GRAMD2B: variants seen among roughly 807,000 people sequenced by gnomAD.
GRAMD2B encodes GRAM domain containing 2B, also known as GRAM domain-containing protein 2B.
Under a neutral mutation model 59.2 loss-of-function variants are expected in GRAMD2B, and 41 were observed. That is an observed-to-expected ratio of 0.69 (90% CI 0.54 to 0.90). The LOEUF is 0.90. Among genes scored for constraint, GRAMD2B ranks in the 40% least tolerant of loss-of-function variants. The probability of loss-of-function intolerance (pLI) is 0.00; values close to 1 mark genes in which losing one functional copy is unlikely to be tolerated. For synonymous variants in GRAMD2B, 161 were observed against 182.7 expected (o/e 0.88, Z 0.96); for missense variants, 424 against 500.5 (o/e 0.85, Z 1.46).
At chr5:126,452,994 A>T (rs1765634681) in intron 1 of GRAMD2B, among the ~76,000 whole-genome samples, 2 of 152,182 alleles carry the variant, frequency 1.3e-5, no homozygotes, top group African/African-American at 4.8e-5. Flanking sequence ...AAAAACCTTA[A>T]TCAAATAGAT....
intron 1 of GRAMD2B, among the ~76,000 whole-genome samples, chr5:126,394,869 T>C (rs1184192203): frequency 6.6e-6 from 1 of 152,200 alleles, no homozygotes; most frequent in African/African-American, 2.4e-5. Flanking sequence ...TTTTTTTCTG[T>C]CCAAGAGTGA....
chr5:126,430,389 AC>A (rs1761369387), intron 1 of GRAMD2B, among the ~76,000 whole-genome samples: 1 of 152,194 alleles, frequency 6.6e-6, no homozygotes, highest in Non-Finnish European at 1.5e-5. Context: ...CATAAAATTT[AC>A]CCATTTCCAG....
At chr5:126,489,185 T>A (rs1773498310) in intron 13 of GRAMD2B, among the ~76,000 whole-genome samples, 2 of 152,172 alleles carry the variant, frequency 1.3e-5, no homozygotes, top group African/African-American at 4.8e-5. Context: ...AAGTGACTAC[T>A]GACATCGGAG....
At chr5:126,439,653 A>C (rs1334445592) in intron 1 of GRAMD2B, among the ~76,000 whole-genome samples, 1 of 152,160 alleles carries the variant, frequency 6.6e-6, no homozygotes, top group Non-Finnish European at 1.5e-5. Flanking sequence ...CAAGGGAACA[A>C]ACACAAAAGC....
chr5:126,413,002 T>G (rs553766649), intron 1 of GRAMD2B, among the ~76,000 whole-genome samples: 2 of 152,248 alleles, frequency 1.3e-5, no homozygotes, highest in African/African-American at 2.4e-5. Flanking sequence ...CTCTCTTTTT[T>G]CTTTATTAAT....
At chr5:126,383,400 T>C (rs72782469) in intron 1 of GRAMD2B, among the ~76,000 whole-genome samples, 1,759 of 152,304 alleles carry the variant, frequency 0.012, 18 homozygotes, top group South Asian at 0.018. Flanking sequence ...ATGGGGCAAA[T>C]TGGGAAGCCC....
At chr5:126,466,429 C>CT in intron 2 of GRAMD2B, 1 of 699,638 alleles carries the variant, frequency 1.4e-6, no homozygotes, top group Non-Finnish European at 2.6e-6. Context: ...TGGCATCTCA[C>CT]CTTTTTTTTT....
At chr5:126,484,584 C>CA (rs1772530907) in intron 10 of GRAMD2B, 60 bp downstream of exon 10, 1 of 1,267,846 alleles carries the variant, frequency 7.9e-7, no homozygotes. Flanking sequence ...CTGTTTGTAA[C>CA]TTTTTTTTTT....
chr5:126,480,345 G>A (rs746772734), intron 6 of GRAMD2B, 111 bp from the exon 7 acceptor site: 1 of 669,662 alleles, frequency 1.5e-6, no homozygotes, highest in Non-Finnish European at 2.6e-6. Context: ...TCAAAGAGAG[G>A]TCCATGTTGT....
At chr5:126,476,801 C>T (rs1354530092) in intron 5 of GRAMD2B, among the ~76,000 whole-genome samples, 1 of 152,120 alleles carries the variant, frequency 6.6e-6, no homozygotes, top group East Asian at 1.9e-4. Context: ...TTTTATGTCA[C>T]CCATCCTGAT....
intron 9 of GRAMD2B, 161 bp from the exon 10 acceptor site, chr5:126,484,241 A>T (rs1772441001): frequency 8.7e-6 from 6 of 690,618 alleles, no homozygotes; most frequent in African/African-American, 1.8e-5. Flanking sequence ...TTATTTGCTT[A>T]AGCATTCAAT....
chr5:126,459,066 T>C (rs922501558), intron 1 of GRAMD2B: 1 of 152,238 alleles, frequency 6.6e-6, no homozygotes, highest in Admixed American at 6.5e-5. Context: ...ATATTCATTT[T>C]AAAGACCTTA....
chr5:126,420,274 G>A (rs968937770), upstream of GRAMD2B, among the ~76,000 whole-genome samples: 4 of 151,930 alleles, frequency 2.6e-5, no homozygotes, highest in Admixed American at 1.3e-4. Context: ...TTGTCACATG[G>A]CAATGACATT....
At chr5:126,471,351 A>G (rs1769549272) in intron 3 of GRAMD2B, among the ~76,000 whole-genome samples, 1 of 152,240 alleles carries the variant, frequency 6.6e-6, no homozygotes, top group South Asian at 2.1e-4. Context: ...CTAGGACTAC[A>G]GGCACATGCC....
intron 1 of GRAMD2B, among the ~76,000 whole-genome samples, chr5:126,440,233 T>C (rs1763067472): frequency 6.6e-6 from 1 of 152,154 alleles, no homozygotes; most frequent in Non-Finnish European, 1.5e-5. Flanking sequence ...AGGGGAAAAC[T>C]TGAATAAATG....
intron 1 of GRAMD2B, among the ~76,000 whole-genome samples, chr5:126,464,349 T>C (rs1329384731): frequency 2.6e-5 from 4 of 152,198 alleles, no homozygotes; most frequent in Non-Finnish European, 4.4e-5. Flanking sequence ...TCCTCAGAAG[T>C]ATCGTTTGTG....
intron 1 of GRAMD2B, among the ~76,000 whole-genome samples, chr5:126,384,087 C>G (rs1289319667): frequency 3.3e-5 from 5 of 152,154 alleles, no homozygotes; most frequent in Non-Finnish European, 7.3e-5. Context: ...AGTCCTAGCA[C>G]TTAGCACATA....
rs145726288 is a variant in GRAMD2B, at chr5:126,487,074, G to T, written c.1163+97G>T. ...TCCTTCTTAGTAAACATTAATTGGA[G>T]ATACATTCTGTATGTGACATTTTGT... On this transcript the variant is annotated intron_variant, in intron 12 of 13. Coordinates refer to ENST00000285689, the MANE Select transcript of GRAMD2B (RefSeq NM_023927.4). 4.3e-6 allele frequency: 3 copies of T among 692,258 alleles called. No individual in the cohort carries two copies. In the African/African-American group the frequency reaches 5.3e-5, roughly 12 times the overall value. 42.9% of individuals were successfully genotyped at this position (692,258 alleles called of 1,614,324 possible). A position where few individuals can be genotyped will look rare whatever the true frequency, so the allele number is the denominator to read the frequency against.
chr5:126,476,274 A>T (rs1472931928), intron 5 of GRAMD2B, among the ~76,000 whole-genome samples: 1 of 147,914 alleles, frequency 6.8e-6, no homozygotes, highest in Non-Finnish European at 1.5e-5. Context: ...ACTCTGTCTC[A>T]AAAAAAAAAG....
Sources: allele counts gnomAD v4.1 joint callset (sites outside exome capture counted in the v4.1 genomes callset), GRCh38; gene constraint gnomAD v4.1.1; transcripts MANE v1.5; gene names NCBI Gene and HGNC (gene_info 2026-07-23, HGNC 2026-07-21).